The following SAMD5 variants were observed in gnomAD, a reference collection of about 807,000 sequenced individuals.
The protein encoded by SAMD5 is sterile alpha motif domain-containing protein 5.
SAMD5 carries 13 observed loss-of-function variants against 11.3 expected under a neutral mutation model. The observed-to-expected ratio is 1.15, with a 90% confidence interval of 0.75 to 1.83. SAMD5 has a LOEUF of 1.83. Ranked by LOEUF, SAMD5 falls within the 40% of genes most tolerant of loss-of-function variation. The probability of loss-of-function intolerance (pLI) is 0.00; values close to 1 mark genes in which losing one functional copy is unlikely to be tolerated. For missense variants in SAMD5, 255 were observed against 239.1 expected, an observed-to-expected ratio of 1.07 and a Z score of -0.44; for synonymous variants, 129 against 111.3, an observed-to-expected ratio of 1.16 and a Z score of -1.00.
chr6:147,710,265 G>C (rs1387483113), intron 1 of SAMD5, among the ~76,000 whole-genome samples: 1 of 152,088 alleles, frequency 6.6e-6, no homozygotes, highest in African/African-American at 2.4e-5. Context: ...TACCCACCCC[G>C]TATGTATTAC....
the SAMD5 span, among the ~76,000 whole-genome samples, chr6:147,767,259 G>T: frequency 2.0e-5 from 3 of 152,100 alleles, no homozygotes; most frequent in African/African-American, 7.3e-5. Context: ...GTCAACACCT[G>T]TGGAGGAAGA....
Position 147,569,234 on chromosome 6 carries a change from A to T in SAMD5, c.*4778A>T. ...AGACTCTGTCTAAAAAAAAAAAAAA[A>T]AGAAAAGAAAAAAGAAAAATTGAAG... On this transcript the variant is annotated 3_prime_UTR_variant, in exon 2 of 2. Coordinates refer to ENST00000367474, the MANE Select transcript of SAMD5 (RefSeq NM_001030060.3). 1 of 347,924 alleles carries T rather than the reference A, an allele frequency of 2.9e-6. No homozygotes were observed. Among genetic ancestry groups the T allele is most frequent in the Non-Finnish European group, 4.0e-6 (1 of 249,330 alleles). The allele number at this position is 347,924 out of a possible 1,614,324, so 21.6% of individuals were successfully genotyped here. A position where few individuals can be genotyped will look rare whatever the true frequency, so the allele number is the denominator to read the frequency against.
intron 1 of SAMD5, among the ~76,000 whole-genome samples, chr6:147,699,137 A>C (rs1791218432): frequency 6.6e-6 from 1 of 152,066 alleles, no homozygotes; most frequent in African/African-American, 2.4e-5. Flanking sequence ...CTCCCAGTGG[A>C]ATCTTGTTTA....
chr6:147,622,983 G>T (rs1314339069), intron 1 of SAMD5, among the ~76,000 whole-genome samples: 1 of 152,116 alleles, frequency 6.6e-6, no homozygotes, highest in Non-Finnish European at 1.5e-5. Context: ...CAGTATGGGG[G>T]AAACAGCCCT....
the SAMD5 span, among the ~76,000 whole-genome samples, chr6:147,909,639 T>TTTCTTTCTTTC: frequency 8.6e-5 from 12 of 138,936 alleles, no homozygotes; most frequent in African/African-American, 3.4e-4. Flanking sequence ...TTTCTCTTTC[T>TTTCTTTCTTTC]TGTCTTTTGT....
chr6:147,548,300 G>A lies in SAMD5; in HGVS notation c.460-16094G>A, dbSNP rs1383660134. On this transcript the variant is annotated intron_variant, in intron 1 of 1. Coordinates refer to ENST00000367474, the MANE Select transcript of SAMD5 (RefSeq NM_001030060.3). ...TGGTTTAATAGTTTTTGTACATGTT[G>A]CCTCCTCAGAGAGACCATCATTTCG... Among the ~76,000 whole-genome samples the A allele has an allele frequency of 1.3e-4, 20 of 152,058 alleles. 1 individual carries two copies. Among genetic ancestry groups the A allele is most frequent in the Non-Finnish European group, 2.9e-4 (20 of 68,018 alleles).
chr6:147,877,909 A>C, the SAMD5 span, among the ~76,000 whole-genome samples: 2 of 66,990 alleles, frequency 3.0e-5, no homozygotes, highest in South Asian at 3.9e-4. Context: ...ATAGATAGAT[A>C]GCTAGCTAGC....
At chr6:147,710,674 A>G (rs1397469936) in intron 1 of SAMD5, among the ~76,000 whole-genome samples, 1 of 152,132 alleles carries the variant, frequency 6.6e-6, no homozygotes, top group East Asian at 1.9e-4. Flanking sequence ...TAGTTGTTCT[A>G]TTTTATCATT....
chr6:147,631,282 G>T (rs1348635146), intron 1 of SAMD5, among the ~76,000 whole-genome samples: 1 of 152,212 alleles, frequency 6.6e-6, no homozygotes, highest in Non-Finnish European at 1.5e-5. Context: ...CGAAAAACAG[G>T]TATTAAAGGA....
At chr6:147,858,552 G>A in the SAMD5 span, among the ~76,000 whole-genome samples, 1 of 152,170 alleles carries the variant, frequency 6.6e-6, no homozygotes, top group African/African-American at 2.4e-5. Context: ...TGTGGCTTTG[G>A]CAGTTGGAGG....
the SAMD5 span, among the ~76,000 whole-genome samples, chr6:147,780,217 T>C: frequency 6.6e-6 from 1 of 152,100 alleles, no homozygotes; most frequent in Non-Finnish European, 1.5e-5. Flanking sequence ...TTTTTTTTTT[T>C]TAAGACAGAG....
the SAMD5 span, among the ~76,000 whole-genome samples, chr6:147,800,603 C>T: frequency 9.4e-3 from 1,434 of 152,340 alleles, 13 homozygotes; most frequent in Middle Eastern, 0.061. Context: ...CCACCCAGTT[C>T]GAGCTTCCCG....
At chr6:147,790,770 T>TC in the SAMD5 span, among the ~76,000 whole-genome samples, 2 of 88,258 alleles carry the variant, frequency 2.3e-5, no homozygotes, top group African/African-American at 3.9e-5. Flanking sequence ...CTCTCTCTCT[T>TC]TCTCTCTCTC....
chr6:147,779,300 G>A, the SAMD5 span, among the ~76,000 whole-genome samples: 1 of 152,042 alleles, frequency 6.6e-6, no homozygotes, highest in East Asian at 1.9e-4. Context: ...GAGTAAGAGA[G>A]GGTGAAATGC....
intron 1 of SAMD5, among the ~76,000 whole-genome samples, chr6:147,667,736 CAA>C (rs1403859050): frequency 1.3e-5 from 2 of 152,180 alleles, no homozygotes; most frequent in African/African-American, 4.8e-5. Flanking sequence ...TAGAATTACT[CAA>C]AGTTTCCTTA....
At position 147,612,607 on chromosome 6, in the gene SAMD5, T is replaced by C. The variant is rs1345114644; in HGVS notation, c.162+103220T>C. ...TCATATTGCTCTCTTTAAATTTCTT[T>C]ACCTACTCAAATCCTGCTCTTGAAC... On this transcript the variant is annotated intron_variant, in intron 1 of 1. Transcript: ENST00000566741. Among the ~76,000 whole-genome samples, 3 of 152,210 alleles carry C rather than the reference T, an allele frequency of 2.0e-5. No homozygotes were observed. In the East Asian group the frequency reaches 5.8e-4, roughly 29 times the overall value.
chr6:147,943,802 C>T, the SAMD5 span, among the ~76,000 whole-genome samples: 1 of 152,166 alleles, frequency 6.6e-6, no homozygotes, highest in Non-Finnish European at 1.5e-5. Context: ...CACCTGCACC[C>T]CAACCAAACC....
chr6:147,791,032 C>T, the SAMD5 span, among the ~76,000 whole-genome samples: 16,558 of 151,972 alleles, frequency 0.11, 1,158 homozygotes, highest in East Asian at 0.35. Flanking sequence ...TGGTGGCTCA[C>T]GCCTGTAATC....
At chr6:147,550,907 T>TAC (rs1406542894) in intron 1 of SAMD5, among the ~76,000 whole-genome samples, 9 of 151,742 alleles carry the variant, frequency 5.9e-5, no homozygotes, top group Non-Finnish European at 1.3e-4. Context: ...TATTTATATA[T>TAC]ATATATAAAC....
Sources: allele counts gnomAD v4.1 joint callset (sites outside exome capture counted in the v4.1 genomes callset), GRCh38; gene constraint gnomAD v4.1.1; transcripts MANE v1.5; gene names NCBI Gene and HGNC (gene_info 2026-07-23, HGNC 2026-07-21).